OTUD7A: variants seen among roughly 807,000 people sequenced by gnomAD.
OTUD7A encodes OTU deubiquitinase 7A.
OTUD7A carries 12 observed loss-of-function variants against 65.7 expected under a neutral mutation model. That is an observed-to-expected ratio of 0.18 (90% CI 0.12 to 0.30). OTUD7A has a LOEUF of 0.30. Among genes scored for constraint, OTUD7A ranks in the 10% least tolerant of loss-of-function variants. The probability of loss-of-function intolerance (pLI) is 1.00; values close to 1 mark genes in which losing one functional copy is unlikely to be tolerated. For synonymous variants in OTUD7A, 641 were observed against 586.3 expected, an observed-to-expected ratio of 1.09 and a Z score of -1.35; for missense variants, 1,148 against 1,304.8, an observed-to-expected ratio of 0.88 and a Z score of 1.85.
chr15:31,752,853 G>A (rs750661700), intron 1 of OTUD7A, among the ~76,000 whole-genome samples: 2 of 152,064 alleles, frequency 1.3e-5, no homozygotes, highest in Non-Finnish European at 2.9e-5. Context: ...TAGTTTGTCA[G>A]TCATTCTTTC....
chr15:31,667,825 G>A (rs1381655662), intron 1 of OTUD7A, among the ~76,000 whole-genome samples: 2 of 152,166 alleles, frequency 1.3e-5, no homozygotes, highest in Admixed American at 6.5e-5. Context: ...CCTTTTAGCA[G>A]TTCTTCTAGT....
intron 10 of OTUD7A, among the ~76,000 whole-genome samples, chr15:31,495,365 A>G (rs1346132619): frequency 1.3e-5 from 2 of 152,240 alleles, no homozygotes; most frequent in African/African-American, 4.8e-5. Flanking sequence ...CTATAAGCTG[A>G]AGACAGAGCT....
At chr15:31,767,135 A>G (rs1895112107) in intron 1 of OTUD7A, 1 of 1,493,740 alleles carries the variant, frequency 6.7e-7, no homozygotes, top group South Asian at 1.2e-5. Flanking sequence ...TTTCTCTACG[A>G]AGCAGACTGA....
intron 8 of OTUD7A, among the ~76,000 whole-genome samples, chr15:31,508,371 C>T (rs948738704): frequency 3.4e-5 from 5 of 148,216 alleles, no homozygotes; most frequent in African/African-American, 1.0e-4. Context: ...TGTTTTGAGA[C>T]GGAGTCTTGC....
intron 1 of OTUD7A, among the ~76,000 whole-genome samples, chr15:31,772,116 G>C (rs1290684701): frequency 1.1e-5 from 1 of 93,534 alleles, no homozygotes; most frequent in Non-Finnish European, 2.5e-5. Context: ...GCCGGGCGTA[G>C]TGGCGGGCGC....
rs531764030 is a variant in OTUD7A, at chr15:31,503,981, C to T, written c.894-163G>A. ...CTGGGCCACTTCTCATGCCATCCGC[C>T]GATGGCAAATGCACAGGTCCCAGCT... On this transcript the variant is annotated intron_variant, in intron 8 of 12. Coordinates refer to ENST00000307050, the MANE Select transcript of OTUD7A (RefSeq NM_001382637.1). 1.5e-4 allele frequency among the ~76,000 whole-genome samples: 23 copies of T among 152,308 alleles called. 1 individual carries two copies. Among genetic ancestry groups the T allele is most frequent in the Non-Finnish European group, 2.9e-4 (20 of 68,034 alleles).
chr15:31,642,753 T>C (rs890586703), intron 3 of OTUD7A, among the ~76,000 whole-genome samples: 3 of 152,078 alleles, frequency 2.0e-5, no homozygotes, highest in Admixed American at 6.5e-5. Flanking sequence ...TCATTCTTGA[T>C]ATTGTTAATT....
intron 1 of OTUD7A, among the ~76,000 whole-genome samples, chr15:31,747,994 C>T (rs1894524757): frequency 6.6e-6 from 1 of 152,010 alleles, no homozygotes; most frequent in South Asian, 2.1e-4. Context: ...AACACCAAAT[C>T]AAGAAAGAGA....
chr15:31,736,674 A>T (rs1455651507), intron 1 of OTUD7A, among the ~76,000 whole-genome samples: 4 of 152,234 alleles, frequency 2.6e-5, no homozygotes, highest in Admixed American at 6.5e-5. Flanking sequence ...CAGAAAACAA[A>T]TCTATATCCT....
At chr15:31,847,885 G>A (rs1327051762) in intron 1 of OTUD7A, among the ~76,000 whole-genome samples, 1 of 152,108 alleles carries the variant, frequency 6.6e-6, no homozygotes. Flanking sequence ...AAGCAAAGGG[G>A]GAAGGAAGTG....
At chr15:31,834,660 G>A (rs375615143) in intron 1 of OTUD7A, among the ~76,000 whole-genome samples, 15 of 152,210 alleles carry the variant, frequency 9.9e-5, no homozygotes, top group African/African-American at 3.4e-4. Context: ...GCCAATTGTC[G>A]AATCCAAGCA....
At position 31,487,364 on chromosome 15, in the gene OTUD7A, G is replaced by T; in HGVS notation, c.1287-86C>A. 2 of 1,580,472 alleles carry T rather than the reference G, an allele frequency of 1.3e-6. No individual in the cohort carries two copies. Among genetic ancestry groups the T allele is most frequent in the Non-Finnish European group, 1.7e-6 (2 of 1,153,498 alleles). The stretch of plus-strand genomic sequence containing the variant: ...ACTTGCATGCCAGCTGTCCCAGGAG[G>T]AGCAGGGGTGGTACATTCCCTCCCC... On this transcript the variant is annotated intron_variant, in intron 11 of 12. Transcript: ENST00000307050. This position sits in a 1 kb window ranked among gnomAD's most constrained non-coding sequence, Gnocchi z 6.0.
intron 1 of OTUD7A, among the ~76,000 whole-genome samples, chr15:31,820,755 T>G (rs1363112179): frequency 6.6e-6 from 1 of 152,220 alleles, no homozygotes; most frequent in Admixed American, 6.5e-5. Context: ...TTCTTTTTAT[T>G]TTTTCAATTT....
At chr15:31,792,262 G>C (rs1895838331) in intron 1 of OTUD7A, among the ~76,000 whole-genome samples, 1 of 152,044 alleles carries the variant, frequency 6.6e-6, no homozygotes, top group African/African-American at 2.4e-5. Flanking sequence ...TGACACCCCT[G>C]ACTACATTCG....
At chr15:31,709,944 GACAAAACAA>G (rs969379746) in intron 1 of OTUD7A, among the ~76,000 whole-genome samples, 35 of 149,892 alleles carry the variant, frequency 2.3e-4, no homozygotes, top group Non-Finnish European at 3.9e-4. Flanking sequence ...CTTTTGTTAA[GACAAAACAA>G]ACAAAACAAA....
At chr15:31,560,156 C>G (rs1888643656) in intron 4 of OTUD7A, among the ~76,000 whole-genome samples, 1 of 152,240 alleles carries the variant, frequency 6.6e-6, no homozygotes, top group African/African-American at 2.4e-5. Flanking sequence ...CATTTATGCA[C>G]TTAATGCAAA....
chr15:31,596,401 C>T (rs374501229), intron 3 of OTUD7A, among the ~76,000 whole-genome samples: 1 of 152,174 alleles, frequency 6.6e-6, no homozygotes, highest in Admixed American at 6.5e-5. Flanking sequence ...GGGATATGTG[C>T]GTTACTTCTA....
At chr15:31,608,044 C>A (rs200858028) in intron 3 of OTUD7A, among the ~76,000 whole-genome samples, 1 of 152,002 alleles carries the variant, frequency 6.6e-6, no homozygotes, top group Admixed American at 6.5e-5. Flanking sequence ...GTCAGGAGAT[C>A]GAGACCATCC....
At chr15:31,828,976 A>G (rs1896865824) in intron 1 of OTUD7A, among the ~76,000 whole-genome samples, 1 of 152,180 alleles carries the variant, frequency 6.6e-6, no homozygotes, top group Admixed American at 6.5e-5. Flanking sequence ...AGCAGAGAAA[A>G]GTGCTCATGC....
Sources: gnomAD v4.1 joint callset for allele counts (sites outside exome capture counted in the v4.1 genomes callset) on GRCh38, gnomAD v4.1.1 for gene constraint, Gnocchi (gnomAD v3.1) non-coding constraint, MANE v1.5 for transcripts, NCBI Gene and HGNC (gene_info 2026-07-23, HGNC 2026-07-21) for gene names.